The following TMPRSS15 variants were observed in gnomAD, a reference collection of about 807,000 sequenced individuals.
TMPRSS15 encodes the protein enteropeptidase.
Under a neutral mutation model 125.3 loss-of-function variants are expected in TMPRSS15, and 128 were observed. That is an observed-to-expected ratio of 1.02 (90% confidence interval 0.89 to 1.18). The LOEUF is 1.18. TMPRSS15 is among the 50% of genes most tolerant of loss of function. The pLI is 0.00. For missense variants in TMPRSS15, 1,283 were observed against 1,212.7 expected, an observed-to-expected ratio of 1.06 and a Z score of -0.86; for synonymous variants, 446 against 423.2, an observed-to-expected ratio of 1.05 and a Z score of -0.66.
intron 16 of TMPRSS15, among the ~76,000 whole-genome samples, chr21:18,319,923 C>T (rs1011532239): frequency 6.6e-6 from 1 of 152,088 alleles, no homozygotes; most frequent in South Asian, 2.1e-4. Context: ...TCTAAGTTAC[C>T]TTAACAAGAA....
chr21:18,284,937 G>A (rs961694456), intron 21 of TMPRSS15, among the ~76,000 whole-genome samples: 4 of 151,828 alleles, frequency 2.6e-5, no homozygotes, highest in Non-Finnish European at 5.9e-5. Flanking sequence ...GGAGGCAGAG[G>A]TTCCAGGGAG....
intron 1 of TMPRSS15, among the ~76,000 whole-genome samples, chr21:18,449,627 G>A (rs2076263075): frequency 1.3e-5 from 2 of 152,038 alleles, no homozygotes; most frequent in African/African-American, 4.8e-5. Flanking sequence ...GCTAAATCAT[G>A]TACAGTGTTT....
At chr21:18,474,144 T>C (rs533438527) in intron 1 of TMPRSS15, among the ~76,000 whole-genome samples, 2 of 152,236 alleles carry the variant, frequency 1.3e-5, no homozygotes, top group African/African-American at 4.8e-5. Flanking sequence ...TATATATATA[T>C]ACCCATATAT....
intron 3 of TMPRSS15, 142 bp downstream of exon 3, chr21:18,397,737 C>A: frequency 1.9e-6 from 1 of 519,592 alleles, no homozygotes; most frequent in Non-Finnish European, 3.5e-6. Flanking sequence ...AAAGTTTATG[C>A]TGTGCCACTT....
intron 1 of TMPRSS15, among the ~76,000 whole-genome samples, chr21:18,420,841 C>T (rs1248891034): frequency 6.6e-6 from 1 of 152,138 alleles, no homozygotes; most frequent in Non-Finnish European, 1.5e-5. Context: ...GCTATGTAGG[C>T]TTTCTCCGTT....
intron 15 of TMPRSS15, among the ~76,000 whole-genome samples, chr21:18,327,131 T>A (rs769681632): frequency 6.6e-6 from 1 of 152,182 alleles, no homozygotes; most frequent in African/African-American, 2.4e-5. Flanking sequence ...AAAAAATACA[T>A]TTATTAAGAA....
chr21:18,437,110 C>G (rs1243647897), intron 1 of TMPRSS15, among the ~76,000 whole-genome samples: 6 of 149,336 alleles, frequency 4.0e-5, no homozygotes, highest in African/African-American at 9.9e-5. Flanking sequence ...CAGCATGGTA[C>G]TGGTACCAAA....
At chr21:18,358,839 C>G (rs983783398) in intron 8 of TMPRSS15, among the ~76,000 whole-genome samples, 3 of 151,904 alleles carry the variant, frequency 2.0e-5, no homozygotes, top group Admixed American at 1.3e-4. Flanking sequence ...TTAGCATATG[C>G]TTAAATATTT....
intron 18 of TMPRSS15, among the ~76,000 whole-genome samples, chr21:18,310,201 G>A (rs1568998639): frequency 6.6e-6 from 1 of 152,072 alleles, no homozygotes; most frequent in Non-Finnish European, 1.5e-5. Flanking sequence ...AACACTGAAA[G>A]TCCTAGACAA....
intron 1 of TMPRSS15, among the ~76,000 whole-genome samples, chr21:18,459,445 T>C (rs1265590593): frequency 1.3e-5 from 2 of 152,074 alleles, no homozygotes; most frequent in African/African-American, 4.8e-5. Context: ...GGCTAATTTT[T>C]GTATTTTTAG....
At chr21:18,352,533 T>C (rs1431981948) in intron 10 of TMPRSS15, among the ~76,000 whole-genome samples, 1 of 152,014 alleles carries the variant, frequency 6.6e-6, no homozygotes, top group African/African-American at 2.4e-5. Flanking sequence ...GCATTAGCAA[T>C]GTACAATCAG....
At chr21:18,457,962 C>G (rs74645381) in intron 1 of TMPRSS15, among the ~76,000 whole-genome samples, 1 of 152,062 alleles carries the variant, frequency 6.6e-6, no homozygotes, top group Admixed American at 6.6e-5. Flanking sequence ...CATCTCCATC[C>G]GTTGTTATAC....
At chr21:18,291,617 C>G (rs2074835886) in intron 21 of TMPRSS15, among the ~76,000 whole-genome samples, 1 of 151,998 alleles carries the variant, frequency 6.6e-6, no homozygotes, top group Non-Finnish European at 1.5e-5. Context: ...CACAATTAGG[C>G]TTTTAAAGAG....
chr21:18,449,875 ACG>A (rs952930364), intron 1 of TMPRSS15, among the ~76,000 whole-genome samples: 9 of 24,934 alleles, frequency 3.6e-4, no homozygotes, highest in Admixed American at 8.4e-4. Context: ...ACACACACAC[ACG>A]CACACACACA....
chr21:18,329,335 G>A, intron 14 of TMPRSS15, 41 bp from the exon 15 acceptor site: 2 of 1,588,864 alleles, frequency 1.3e-6, no homozygotes, highest in South Asian at 2.3e-5. Flanking sequence ...AACACACTTG[G>A]TGATTTCTCT....
chr21:18,475,023 A>G (rs1170896528), intron 1 of TMPRSS15, among the ~76,000 whole-genome samples: 1 of 152,142 alleles, frequency 6.6e-6, no homozygotes, highest in African/African-American at 2.4e-5. Flanking sequence ...GAGTGCCCCC[A>G]CTTCAGTATT....
In TMPRSS15 at chr21:18,383,641, C is replaced by T. The variant is rs749536036; in HGVS notation, c.482G>A (p.Ser161Asn). The T allele has an allele frequency of 3.1e-6, 5 of 1,613,684 alleles. No individual in the cohort carries two copies. Among genetic ancestry groups the T allele is most frequent in the African/African-American group, 1.3e-5 (1 of 74,914 alleles). ...TTCACACATACCTAGGATATCAACGCTGTTCAAATCAATATGGAAAGTGAC... is the reference window on the plus strand; with the variant it reads ...TTCACACATACCTAGGATATCAACGTTGTTCAAATCAATATGGAAAGTGAC... ...QLVTFHIDLN[S>N]VDILDKLTTT... Residue 161 changes from serine to asparagine, a missense_variant, in exon 4 of 25, where the codon AGC becomes AAC. Transcript: ENST00000284885.
chr21:18,384,031 G>A (rs1300206093), intron 3 of TMPRSS15, among the ~76,000 whole-genome samples: 1 of 152,152 alleles, frequency 6.6e-6, no homozygotes, highest in Non-Finnish European at 1.5e-5. Context: ...AGTTTTCTGA[G>A]TTCCACGTTC....
At chr21:18,345,551 C>T (rs1278963749) in intron 10 of TMPRSS15, among the ~76,000 whole-genome samples, 1 of 149,966 alleles carries the variant, frequency 6.7e-6, no homozygotes, top group Non-Finnish European at 1.5e-5. Context: ...ACCATCCTGG[C>T]TAACACGGCG....
Sources: allele counts gnomAD v4.1 joint callset (sites outside exome capture counted in the v4.1 genomes callset), GRCh38; gene constraint gnomAD v4.1.1; transcripts MANE v1.5; gene names NCBI Gene and HGNC (gene_info 2026-07-23, HGNC 2026-07-21).